Variants in SLC26A7 observed in about 807,000 individuals in gnomAD.
The protein encoded by SLC26A7 is solute carrier family 26 member 7.
SLC26A7 carries 59 observed loss-of-function variants against 82.5 expected under a neutral mutation model. The ratio of observed to expected loss-of-function variants is 0.72; its 90% confidence interval spans 0.58 to 0.89. SLC26A7 has a LOEUF of 0.89. SLC26A7 is among the 40% of genes least tolerant of loss of function. The pLI is 0.00. For missense variants in SLC26A7, 820 were observed against 793.0 expected, an observed-to-expected ratio of 1.03 and a Z score of -0.41; for synonymous variants, 271 against 274.3, an observed-to-expected ratio of 0.99 and a Z score of 0.12.
rs78234151 is a variant in SLC26A7, at chr8:91,253,464, C to T, written c.193+3620C>T. Among the ~76,000 whole-genome samples the T allele has an allele frequency of 5.1e-3, 768 of 152,040 alleles. 11 individuals carry two copies. Among genetic ancestry groups the T allele is most frequent in the African/African-American group, 0.018 (742 of 41,500 alleles). ...AGTCATCATCTTGTGGGTCTTCATT[C>T]CTTATTCTGTCTCCACCTGTAGGCC... On this transcript the variant is annotated intron_variant, in intron 2 of 18. Coordinates refer to ENST00000276609, the MANE Select transcript of SLC26A7 (RefSeq NM_052832.4).
chr8:91,244,993 A>AT (rs1810524749), upstream of SLC26A7, among the ~76,000 whole-genome samples: 1 of 152,238 alleles, frequency 6.6e-6, no homozygotes, highest in Non-Finnish European at 1.5e-5. Context: ...ATTGTTGAGA[A>AT]CATAGAACTT....
At chr8:91,216,312 G>A (rs1015367292) in intron 1 of SLC26A7, among the ~76,000 whole-genome samples, 1 of 152,116 alleles carries the variant, frequency 6.6e-6, no homozygotes, top group East Asian at 1.9e-4. Flanking sequence ...CTGCCCATGC[G>A]ATGTCCTAAT....
At chr8:91,365,418 G>A (rs1036973466) in intron 13 of SLC26A7, among the ~76,000 whole-genome samples, 2 of 152,186 alleles carry the variant, frequency 1.3e-5, no homozygotes, top group Non-Finnish European at 2.9e-5. Flanking sequence ...ACAGGCCATG[G>A]GTTGGACAAG....
intron 7 of SLC26A7, 144 bp downstream of exon 7, chr8:91,338,376 A>G: frequency 3.8e-6 from 2 of 525,506 alleles, no homozygotes; most frequent in Non-Finnish European, 6.4e-6. Flanking sequence ...TACACACTTC[A>G]TGTGTAGAGA....
chr8:91,290,525 T>A (rs1334946947), intron 3 of SLC26A7, among the ~76,000 whole-genome samples: 2 of 152,198 alleles, frequency 1.3e-5, no homozygotes, highest in Non-Finnish European at 2.9e-5. Flanking sequence ...TATGTAAACA[T>A]GCAGTATCGC....
At chr8:91,246,273 A>T (rs770320373), upstream of SLC26A7, among the ~76,000 whole-genome samples, 32 of 152,240 alleles carry the variant, frequency 2.1e-4, no homozygotes, top group Non-Finnish European at 3.7e-4. Context: ...ATTCTAAAAA[A>T]GAAGCAAAGC....
chr8:91,315,567 AGCAGAAGCT>A (rs1223620594), intron 4 of SLC26A7, among the ~76,000 whole-genome samples: 1 of 152,112 alleles, frequency 6.6e-6, no homozygotes, highest in Admixed American at 6.5e-5. Context: ...AAATGTTAGT[AGCAGAAGCT>A]GCTGCTTTGG....
intron 2 of SLC26A7, among the ~76,000 whole-genome samples, chr8:91,286,431 C>T (rs1000859788): frequency 6.6e-6 from 1 of 152,128 alleles, no homozygotes; most frequent in Non-Finnish European, 1.5e-5. Context: ...CTTACATTAC[C>T]ATTAAATAAT....
In SLC26A7 at chr8:91,396,858, G is replaced by C. The variant is rs937987125; in HGVS notation, c.*1761G>C. 1 of 152,042 alleles carries C rather than the reference G, an allele frequency of 6.6e-6. No homozygotes were observed. The highest frequency in any genetic ancestry group is 2.4e-5 in the African/African-American group (1 of 41,440). The allele number at this position is 152,042 out of a possible 1,614,324, so 9.4% of individuals were successfully genotyped here. The stretch of plus-strand genomic sequence containing the variant: ...CACCATCTCTAATTCATTGGTCACT[G>C]GTAGGTAAGCATGAGTTAAGGAAAG... On this transcript the variant is annotated 3_prime_UTR_variant, in exon 19 of 19. Coordinates refer to ENST00000276609, the MANE Select transcript of SLC26A7 (RefSeq NM_052832.4).
chr8:91,282,677 G>T (rs549027915), intron 2 of SLC26A7, among the ~76,000 whole-genome samples: 1 of 152,140 alleles, frequency 6.6e-6, no homozygotes, highest in Non-Finnish European at 1.5e-5. Flanking sequence ...AGAAGGTCTC[G>T]TAGGTTCCAG....
At chr8:91,336,631 C>T (rs1001021372) in intron 6 of SLC26A7, among the ~76,000 whole-genome samples, 5 of 152,042 alleles carry the variant, frequency 3.3e-5, no homozygotes, top group African/African-American at 1.2e-4. Context: ...TGCAATCCCC[C>T]CCTTGCCCAG....
At chr8:91,276,049 A>G (rs1232836013) in intron 2 of SLC26A7, among the ~76,000 whole-genome samples, 2 of 152,222 alleles carry the variant, frequency 1.3e-5, no homozygotes, top group African/African-American at 4.8e-5. Context: ...ATGGCTGTAT[A>G]TAATAAATTT....
Position 91,359,898 on chromosome 8 carries a change from G to C in SLC26A7, c.1315-2455G>C, listed in dbSNP as rs539542327. ...GATATGTGTGTGTGTGTGTGTGTGC[G>C]CATGTGTGTGTAAACTAATTTGAAG... On this transcript the variant is annotated intron_variant, in intron 11 of 18. Coordinates refer to ENST00000276609, the MANE Select transcript of SLC26A7 (RefSeq NM_052832.4). Among the ~76,000 whole-genome samples, 18 of 150,908 alleles carry C rather than the reference G, an allele frequency of 1.2e-4. No homozygotes were observed. In the East Asian group the frequency reaches 3.1e-3, roughly 26 times the overall value.
At position 91,249,361 on chromosome 8, in the gene SLC26A7, GA is replaced by G; in HGVS notation, c.-159del. 1 of 221,332 alleles carries G rather than the reference GA, an allele frequency of 4.5e-6. No homozygotes were observed. Among genetic ancestry groups the G allele is most frequent in the Non-Finnish European group, 8.8e-6 (1 of 114,228 alleles). The allele number at this position is 221,332 out of a possible 1,614,324, so 13.7% of individuals were successfully genotyped here. On this transcript the variant is annotated 5_prime_UTR_variant, in exon 1 of 19. Coordinates refer to ENST00000276609, the MANE Select transcript of SLC26A7 (RefSeq NM_052832.4). ...TGAACCCATTACTTTTCCAAGACCAGAAAAAAATATTACATGAACAGGAACT... is the reference window on the plus strand; with the variant it reads ...TGAACCCATTACTTTTCCAAGACCAGAAAAAATATTACATGAACAGGAACT...
chr8:91,339,457 T>C (rs1475343714), intron 7 of SLC26A7, among the ~76,000 whole-genome samples: 1 of 152,104 alleles, frequency 6.6e-6, no homozygotes, highest in Non-Finnish European at 1.5e-5. Flanking sequence ...TTACCTAACC[T>C]TTCTCAAAAT....
At position 91,393,841 on chromosome 8, in the gene SLC26A7, C is replaced by G; in HGVS notation, c.1821C>G (p.Ala607=). 1 of 1,613,558 alleles carries G rather than the reference C, an allele frequency of 6.2e-7. No individual in the cohort carries two copies. Among genetic ancestry groups the G allele is most frequent in the Non-Finnish European group, 8.5e-7 (1 of 1,179,618 alleles). The change falls in exon 17 of 19, where the codon GCC becomes GCG. Residue 607 remains alanine (A), a synonymous_variant. Coordinates refer to ENST00000276609, the MANE Select transcript of SLC26A7 (RefSeq NM_052832.4). ...CKGRSVDVLL[A]HCTASLIKAM... ...GCAGGAGTGTGGATGTATTGTTAGCCCATTGTACAGGTAAGAGAATGTCCC... is the reference window on the plus strand; with the variant it reads ...GCAGGAGTGTGGATGTATTGTTAGCGCATTGTACAGGTAAGAGAATGTCCC...
intron 10 of SLC26A7, among the ~76,000 whole-genome samples, chr8:91,352,610 G>C (rs890055186): frequency 6.6e-6 from 1 of 151,974 alleles, no homozygotes; most frequent in Non-Finnish European, 1.5e-5. Context: ...TTAGTTAAGA[G>C]GGCATTTAGC....
intron 5 of SLC26A7, 85 bp from the exon 6 acceptor site, chr8:91,334,210 C>T (rs1586422691): frequency 7.9e-7 from 1 of 1,271,144 alleles, no homozygotes; most frequent in Non-Finnish European, 1.1e-6. Flanking sequence ...TATAAAACAT[C>T]ATTGAGTTTA....
chr8:91,338,549 C>T (rs1021340614), intron 7 of SLC26A7, among the ~76,000 whole-genome samples: 9 of 152,238 alleles, frequency 5.9e-5, no homozygotes, highest in South Asian at 2.1e-4. Flanking sequence ...ATTTAGTCAG[C>T]CCTATCTCTT....
Sources: allele counts gnomAD v4.1 joint callset (sites outside exome capture counted in the v4.1 genomes callset), GRCh38; gene constraint gnomAD v4.1.1; transcripts MANE v1.5; gene names NCBI Gene and HGNC (gene_info 2026-07-23, HGNC 2026-07-21).